Variants in AATF observed in about 807,000 individuals in gnomAD.
The protein encoded by AATF is protein AATF.
In AATF, 48 loss-of-function variants were observed where a neutral mutation model predicts 63.7. The ratio of observed to expected loss-of-function variants is 0.75; its 90% confidence interval spans 0.60 to 0.96. The LOEUF (loss-of-function observed/expected upper bound fraction) is 0.96, where lower values mean the gene tolerates loss of function less well. Among genes scored for constraint, AATF ranks in the 40% least tolerant of loss-of-function variants. The pLI is 0.00. For synonymous variants in AATF, 258 were observed against 247.7 expected (o/e 1.04, Z -0.39); for missense variants, 639 against 685.7 (o/e 0.93, Z 0.76).
Position 36,978,858 on chromosome 17 carries a change from G to A in AATF, c.833-7759G>A, listed in dbSNP as rs1012283969. On this transcript the variant is annotated intron_variant, in intron 4 of 11. Transcript: ENST00000619387. ...CCAAACAGTAATACTGACAGAATTC[G>A]GAATTATGATACAGTGGAGCCTTCA... 2.5e-4 allele frequency among the ~76,000 whole-genome samples: 38 copies of A among 151,570 alleles called. 1 individual carries two copies. Among genetic ancestry groups the A allele is most frequent in the Admixed American group, 2.2e-3 (33 of 15,200 alleles).
chr17:37,006,198 G>A (rs112805164), intron 8 of AATF, among the ~76,000 whole-genome samples: 4,968 of 152,146 alleles, frequency 0.033, 287 homozygotes, highest in African/African-American at 0.11. Context: ...GGCCAGGTGC[G>A]GTGGCTCTTC....
Position 37,054,475 on chromosome 17 carries a change from T to C in AATF, c.1620-2126T>C, listed in dbSNP as rs1279044098. 8 of 152,316 alleles carry C rather than the reference T, an allele frequency of 5.3e-5. No individual in the cohort carries two copies. The East Asian group carries it at 1.5e-3, about 29-fold the overall frequency. 9.4% of individuals were successfully genotyped at this position (152,316 alleles called of 1,614,324 possible). A position where few individuals can be genotyped will look rare whatever the true frequency, so the allele number is the denominator to read the frequency against. On this transcript the variant is annotated intron_variant, in intron 11 of 11. Coordinates refer to ENST00000619387, the MANE Select transcript of AATF (RefSeq NM_012138.4). The stretch of plus-strand genomic sequence containing the variant: ...AATAATCCCCTATTGATATTCTCTC[T>C]CTCTGAAAATATTTTAAGAACCCAG...
intron 8 of AATF, among the ~76,000 whole-genome samples, chr17:37,003,947 T>C (rs76265527): frequency 6.6e-6 from 1 of 151,800 alleles, no homozygotes; most frequent in South Asian, 2.1e-4. Flanking sequence ...CTACTAAAAA[T>C]ACAAAAAATT....
chr17:37,009,835 A>AAAAAAC (rs2071374141), intron 8 of AATF, among the ~76,000 whole-genome samples: 1 of 150,088 alleles, frequency 6.7e-6, no homozygotes, highest in Non-Finnish European at 1.5e-5. Context: ...AAAAAAAAAA[A>AAAAAAC]AAAAAAAAAA....
At chr17:36,991,403 G>C (rs1246311103) in intron 8 of AATF, among the ~76,000 whole-genome samples, 1 of 152,136 alleles carries the variant, frequency 6.6e-6, no homozygotes, top group Non-Finnish European at 1.5e-5. Context: ...ATTGGTAGAA[G>C]TTGAAATATA....
intron 11 of AATF, among the ~76,000 whole-genome samples, chr17:37,048,374 T>C (rs1258163701): frequency 1.4e-5 from 2 of 142,296 alleles, no homozygotes; most frequent in Non-Finnish European, 1.5e-5. Context: ...TTTTTTTTTT[T>C]TTTTTTTTTT....
At chr17:37,034,473 A>AT (rs1299371842) in intron 11 of AATF, among the ~76,000 whole-genome samples, 1 of 152,104 alleles carries the variant, frequency 6.6e-6, no homozygotes, top group African/African-American at 2.4e-5. Context: ...TAGAATATCA[A>AT]TATCACTGCA....
intron 4 of AATF, among the ~76,000 whole-genome samples, chr17:36,954,592 T>G (rs1432723038): frequency 6.6e-6 from 1 of 152,256 alleles, no homozygotes; most frequent in Non-Finnish European, 1.5e-5. Context: ...AAAGATGATA[T>G]GCCGAGGGAG....
chr17:37,034,907 C>G (rs112457848), intron 11 of AATF: 1 of 151,880 alleles, frequency 6.6e-6, no homozygotes, highest in Admixed American at 6.6e-5. Flanking sequence ...GGGCGGATCA[C>G]GAGGTCAGGA....
chr17:36,990,653 A>T, intron 7 of AATF, 121 bp from the exon 8 acceptor site: 1 of 657,880 alleles, frequency 1.5e-6, no homozygotes, highest in Non-Finnish European at 2.5e-6. Flanking sequence ...TTTTAATTTT[A>T]AGAACTTTTT....
At chr17:37,042,458 A>G (rs2071648752) in intron 11 of AATF, among the ~76,000 whole-genome samples, 1 of 151,124 alleles carries the variant, frequency 6.6e-6, no homozygotes, top group Non-Finnish European at 1.5e-5. Flanking sequence ...TCTGTTGCCC[A>G]GGCTGGAGTA....
intron 4 of AATF, among the ~76,000 whole-genome samples, chr17:36,977,223 T>C (rs531829969): frequency 1.3e-5 from 2 of 152,278 alleles, no homozygotes; most frequent in African/African-American, 4.8e-5. Flanking sequence ...GCCCAGGTGA[T>C]GTGTTGGATG....
chr17:37,037,010 G>GTTTTTT (rs374106722), intron 11 of AATF, among the ~76,000 whole-genome samples: 45 of 133,478 alleles, frequency 3.4e-4, no homozygotes, highest in African/African-American at 1.0e-3. Context: ...TCATCTTTTT[G>GTTTTTT]TTTTTTTTTT....
rs1344580622 is a variant in AATF at position 36,949,101 on chromosome 17, C to G, written c.-25C>G. 6.5e-7 allele frequency: 1 copy of G among 1,549,468 alleles called. No individual in the cohort carries two copies. Among genetic ancestry groups the G allele is most frequent in the Non-Finnish European group, 8.8e-7 (1 of 1,142,716 alleles). On this transcript the variant is annotated 5_prime_UTR_variant, in exon 1 of 12. Transcript: ENST00000619387. ...GGGCCGCACATTTACGTGCGCGAAG[C>G]GGAGTGGACCGGGAGCTGGTGACGA...
rs772282773 is a variant in AATF, at chr17:36,989,381, G to T, written c.1284G>T (p.Gln428His). 6.2e-7 allele frequency: 1 copy of T among 1,613,604 alleles called. No individual in the cohort carries two copies. Among genetic ancestry groups the T allele is most frequent in the African/African-American group, 1.3e-5 (1 of 74,922 alleles). Reference protein sequence around the residue: ...RVLGKPEPAAQPVPESLPGEP... With the variant: ...RVLGKPEPAAHPVPESLPGEP... ...TTGGCAAACCTGAGCCAGCAGCTCA[G>T]CCTGTCCCAGAGAGTTTGCCAGGGG... The change falls in exon 7 of 12, where the codon CAG (glutamine) becomes CAT (histidine). Residue 428 changes from glutamine (Q) to histidine (H), a missense_variant. Physicochemically the swap from Gln to His is conservative, Grantham distance 24. Coordinates refer to ENST00000619387, the MANE Select transcript of AATF (RefSeq NM_012138.4).
At chr17:37,038,400 T>C (rs538289223) in intron 11 of AATF, among the ~76,000 whole-genome samples, 78 of 152,276 alleles carry the variant, frequency 5.1e-4, no homozygotes, top group African/African-American at 1.8e-3. Context: ...GGCCACTGAC[T>C]CAGATTTGGG....
At chr17:36,971,005 C>CA (rs2071035363) in intron 4 of AATF, among the ~76,000 whole-genome samples, 1 of 152,066 alleles carries the variant, frequency 6.6e-6, no homozygotes, top group Admixed American at 6.5e-5. Flanking sequence ...AACTCTATGT[C>CA]ATTGGGTTAG....
intron 5 of AATF, among the ~76,000 whole-genome samples, chr17:36,987,299 A>G (rs1555649451): frequency 6.6e-6 from 1 of 152,052 alleles, no homozygotes; most frequent in Non-Finnish European, 1.5e-5. Context: ...CCAAAAGCAC[A>G]TTTTTAAAAT....
intron 8 of AATF, among the ~76,000 whole-genome samples, chr17:37,003,978 G>T (rs1373098785): frequency 6.6e-6 from 1 of 152,078 alleles, no homozygotes; most frequent in Admixed American, 6.5e-5. Context: ...GGTGGCATGT[G>T]CCTCTACTCC....
Sources: gnomAD v4.1 joint callset for allele counts (sites outside exome capture counted in the v4.1 genomes callset) on GRCh38, gnomAD v4.1.1 for gene constraint, MANE v1.5 for transcripts, NCBI Gene and HGNC (gene_info 2026-07-23, HGNC 2026-07-21) for gene names.